Variants in ENTREP2 observed in about 807,000 individuals in gnomAD.
ENTREP2 encodes endosomal transmembrane epsin interactor 2, also known as protein ENTREP2.
At chr15:29,473,701 C>T in the ENTREP2 span, among the ~76,000 whole-genome samples, 4 of 152,204 alleles carry the variant, frequency 2.6e-5, no homozygotes, top group Non-Finnish European at 4.4e-5. Context: ...CTCTATGTCA[C>T]GTCAATACCA....
chr15:29,138,562 C>T, the ENTREP2 span, among the ~76,000 whole-genome samples: 8 of 124,142 alleles, frequency 6.4e-5, no homozygotes, highest in South Asian at 1.8e-3. Context: ...TGTGCATGTG[C>T]ATGTGTATGT....
chr15:29,269,703 C>A, the ENTREP2 span: 2 of 1,535,470 alleles, frequency 1.3e-6, no homozygotes, highest in Non-Finnish European at 1.7e-6. Flanking sequence ...GTTTTTGCAA[C>A]ATGTCTCCGG....
the ENTREP2 span, chr15:29,235,257 T>G: frequency 2.0e-6 from 1 of 503,816 alleles, no homozygotes; most frequent in Non-Finnish European, 3.6e-6. Context: ...AAGGAAAGCT[T>G]CTGTTTTCCA....
At chr15:29,543,756 G>C in the ENTREP2 span, among the ~76,000 whole-genome samples, 1 of 150,494 alleles carries the variant, frequency 6.6e-6, no homozygotes, top group Non-Finnish European at 1.5e-5. Flanking sequence ...TCCAGCCTGG[G>C]CAACAGAGCA....
the ENTREP2 span, among the ~76,000 whole-genome samples, chr15:29,273,238 G>C: frequency 1.4e-5 from 2 of 142,624 alleles, no homozygotes; most frequent in African/African-American, 5.4e-5. Flanking sequence ...GCGCTCTGTC[G>C]CCCAGGCTGG....
the ENTREP2 span, among the ~76,000 whole-genome samples, chr15:29,439,953 T>A: frequency 6.6e-6 from 1 of 152,158 alleles, no homozygotes; most frequent in Admixed American, 6.5e-5. Flanking sequence ...GGGGGGTACC[T>A]TACCTCTGTG....
the ENTREP2 span, among the ~76,000 whole-genome samples, chr15:29,452,206 C>T: frequency 2.6e-5 from 4 of 152,194 alleles, no homozygotes; most frequent in African/African-American, 4.8e-5. Context: ...TACCCACAAC[C>T]ATCTGCTTTC....
chr15:29,147,688 T>C, the ENTREP2 span, among the ~76,000 whole-genome samples: 9 of 152,354 alleles, frequency 5.9e-5, 1 homozygote, highest in East Asian at 1.7e-3. Flanking sequence ...GGAACCCTCA[T>C]GGTCTCACGG....
chr15:29,423,942 T>G, the ENTREP2 span, among the ~76,000 whole-genome samples: 12 of 152,324 alleles, frequency 7.9e-5, no homozygotes, highest in East Asian at 2.3e-3. Context: ...AGGCTTACAT[T>G]GTGTCCGCAA....
chr15:29,126,183 C>G, the ENTREP2 span: 1 of 1,131,334 alleles, frequency 8.8e-7, no homozygotes, highest in East Asian at 2.7e-5. Context: ...GGCCGGGCCT[C>G]CACTCTCAGG....
At chr15:29,372,848 T>C in the ENTREP2 span, among the ~76,000 whole-genome samples, 1 of 152,052 alleles carries the variant, frequency 6.6e-6, no homozygotes, top group Non-Finnish European at 1.5e-5. Context: ...TGGAAAACAT[T>C]TCAAATGGCA....
the ENTREP2 span, among the ~76,000 whole-genome samples, chr15:29,457,621 C>T: frequency 6.6e-6 from 1 of 152,186 alleles, no homozygotes; most frequent in Non-Finnish European, 1.5e-5. Context: ...TGCCAGGGCC[C>T]AGTTATACTG....
chr15:29,315,013 C>T, the ENTREP2 span, among the ~76,000 whole-genome samples: 2 of 152,172 alleles, frequency 1.3e-5, no homozygotes, highest in African/African-American at 4.8e-5. Flanking sequence ...GATCGTGCCA[C>T]TGCACTCCAG....
the ENTREP2 span, among the ~76,000 whole-genome samples, chr15:29,364,560 C>T: frequency 2.6e-3 from 403 of 152,278 alleles, 1 homozygote; most frequent in Non-Finnish European, 4.2e-3. Flanking sequence ...AGTCTAAGTG[C>T]CTTCCTTCAC....
the ENTREP2 span, among the ~76,000 whole-genome samples, chr15:29,424,156 T>C: frequency 1.3e-5 from 2 of 152,214 alleles, no homozygotes; most frequent in African/African-American, 4.8e-5. Context: ...TTATAGCTCA[T>C]AAAGGTAATG....
chr15:29,379,158 T>C, the ENTREP2 span, among the ~76,000 whole-genome samples: 15 of 152,212 alleles, frequency 9.9e-5, no homozygotes, highest in African/African-American at 3.6e-4. Context: ...ATGGGCCTCA[T>C]GACAGGCTCT....
the ENTREP2 span, chr15:29,613,410 CT>C: frequency 2.2e-6 from 1 of 455,700 alleles, no homozygotes; most frequent in Non-Finnish European, 4.4e-6. Context: ...CTGTGACTGC[CT>C]TCAGGGCTTC....
the ENTREP2 span, among the ~76,000 whole-genome samples, chr15:29,346,457 T>C: frequency 3.3e-5 from 5 of 150,386 alleles, no homozygotes; most frequent in African/African-American, 1.2e-4. Flanking sequence ...CCCAAGACAG[T>C]AGAAGAGAAG....
At chr15:29,464,748 G>A in the ENTREP2 span, among the ~76,000 whole-genome samples, 3 of 152,130 alleles carry the variant, frequency 2.0e-5, no homozygotes, top group Non-Finnish European at 2.9e-5. Flanking sequence ...CAGCGAGGCC[G>A]CTCATGGCAC....
Sources: allele counts gnomAD v4.1 joint callset (sites outside exome capture counted in the v4.1 genomes callset), GRCh38; gene constraint gnomAD v4.1.1; transcripts MANE v1.5; gene names NCBI Gene and HGNC (gene_info 2026-07-23, HGNC 2026-07-21).